PTPRD: variants seen among roughly 807,000 people sequenced by gnomAD.
The protein encoded by PTPRD is receptor-type tyrosine-protein phosphatase delta.
In PTPRD, 34 loss-of-function variants were observed where a neutral mutation model predicts 214.5. The ratio of observed to expected loss-of-function variants is 0.16; its 90% CI spans 0.12 to 0.21. The LOEUF (loss-of-function observed/expected upper bound fraction) is 0.21, where lower values mean the gene tolerates loss of function less well. Ranked by LOEUF, PTPRD falls within the 10% of genes least tolerant of loss-of-function variation. The probability of loss-of-function intolerance (pLI) is 1.00; values close to 1 mark genes in which losing one functional copy is unlikely to be tolerated. For synonymous variants in PTPRD, 1,128 were observed against 845.7 expected (o/e 1.33, Z -5.79); for missense variants, 2,545 against 2,398.7 (o/e 1.06, Z -1.27).
At chr9:8,636,560 A>G in intron 13 of PTPRD, 139 bp downstream of exon 13, 1 of 1,138,516 alleles carries the variant, frequency 8.8e-7, no homozygotes. Context: ...TTAGAGTTAC[A>G]TTTTCCATCA....
chr9:9,730,473 G>A (rs6477416), intron 7 of PTPRD, among the ~76,000 whole-genome samples: 2,834 of 152,126 alleles, frequency 0.019, 95 homozygotes, highest in African/African-American at 0.063. Flanking sequence ...AAATTGGGGC[G>A]TAGGCTGTGG....
intron 7 of PTPRD, among the ~76,000 whole-genome samples, chr9:9,719,642 C>A (rs919293012): frequency 5.9e-5 from 9 of 152,328 alleles, no homozygotes; most frequent in African/African-American, 2.2e-4. Context: ...TGCTCTGCAA[C>A]ATCCCCCTCA....
Position 10,231,413 on chromosome 9 carries a change from A to G in PTPRD, c.-545+109550T>C, listed in dbSNP as rs554162405. ...GGAAAAAAAGTGCAATTACCTAAAAACCAGTCAAGCTAAGTATAAAAGGAC... is the reference window on the plus strand; with the variant it reads ...GGAAAAAAAGTGCAATTACCTAAAAGCCAGTCAAGCTAAGTATAAAAGGAC... On this transcript the variant is annotated intron_variant, in intron 3 of 45. Coordinates refer to ENST00000381196, the MANE Select transcript of PTPRD (RefSeq NM_002839.4). 2.6e-5 allele frequency among the ~76,000 whole-genome samples: 4 copies of G among 152,080 alleles called. No individual in the cohort carries two copies. The South Asian group carries it at 8.3e-4, about 32-fold the overall frequency.
intron 14 of PTPRD, among the ~76,000 whole-genome samples, chr9:8,537,005 T>C (rs998544944): frequency 3.9e-5 from 6 of 152,020 alleles, no homozygotes; most frequent in Admixed American, 3.3e-4. Flanking sequence ...AATACAGTCC[T>C]TGAAGAAGAG....
At chr9:9,663,743 T>G (rs1347092499) in intron 7 of PTPRD, among the ~76,000 whole-genome samples, 1 of 151,576 alleles carries the variant, frequency 6.6e-6, no homozygotes, top group African/African-American at 2.4e-5. Context: ...TTCACACAGC[T>G]GTATTAAGTG....
intron 5 of PTPRD, among the ~76,000 whole-genome samples, chr9:9,864,032 C>T (rs943748120): frequency 9.2e-5 from 14 of 152,134 alleles, no homozygotes; most frequent in Admixed American, 3.3e-4. Flanking sequence ...TGGCCGGGCG[C>T]GGTGGCTCAT....
intron 14 of PTPRD, among the ~76,000 whole-genome samples, chr9:8,585,510 G>T (rs1210453575): frequency 6.6e-6 from 1 of 152,176 alleles, no homozygotes; most frequent in African/African-American, 2.4e-5. Flanking sequence ...ATAAAAATGT[G>T]TAAGAATTGG....
chr9:8,918,009 G>A (rs1161310831), intron 11 of PTPRD, among the ~76,000 whole-genome samples: 8 of 152,104 alleles, frequency 5.3e-5, no homozygotes, highest in South Asian at 2.1e-4. Context: ...GGGGGATTTC[G>A]GGCCTCAGAA....
intron 4 of PTPRD, among the ~76,000 whole-genome samples, chr9:10,024,830 T>C (rs1051393936): frequency 1.5e-5 from 2 of 136,830 alleles, no homozygotes; most frequent in African/African-American, 2.7e-5. Flanking sequence ...CCTTCCTGTG[T>C]CCATGTGTTC....
intron 11 of PTPRD, among the ~76,000 whole-genome samples, chr9:8,840,015 C>T (rs907274319): frequency 1.3e-5 from 2 of 152,280 alleles, no homozygotes; most frequent in East Asian, 1.9e-4. Flanking sequence ...AGCAAAAGGA[C>T]TATAAGCAAC....
rs2134800206 is a variant in PTPRD at position 8,375,957 on chromosome 9, C to G, written c.4640G>C (p.Gly1547Ala). The G allele has an allele frequency of 6.2e-7, 1 of 1,612,532 alleles. No homozygotes were observed. The highest frequency in any genetic ancestry group is 8.5e-7 in the Non-Finnish European group (1 of 1,179,058). Residue 1547 changes from glycine (G) to alanine (A), a missense_variant, in exon 39 of 46, where the codon GGT (glycine) becomes GCT (alanine). Gly to Ala is a moderately conservative substitution (Grantham distance 60, BLOSUM62 0). Transcript: ENST00000381196. The stretch of plus-strand genomic sequence containing the variant: ...TTACCTGCAGTGCACAACCATCGGA[C>G]CAGCATCGGGAGGGTTACAGGTTTT... ...RVKTCNPPDA[G>A]PMVVHCSAGV...
At chr9:9,083,012 A>C (rs927366552) in intron 10 of PTPRD, among the ~76,000 whole-genome samples, 1 of 152,338 alleles carries the variant, frequency 6.6e-6, no homozygotes, top group Middle Eastern at 3.4e-3. Flanking sequence ...ATTCCCATTA[A>C]GCTACCATTG....
chr9:9,180,879 G>C (rs796248439), intron 10 of PTPRD, among the ~76,000 whole-genome samples: 2 of 152,196 alleles, frequency 1.3e-5, no homozygotes, highest in African/African-American at 4.8e-5. Flanking sequence ...AAAAATTTTT[G>C]TAGACAATAT....
intron 7 of PTPRD, among the ~76,000 whole-genome samples, chr9:9,585,526 C>A (rs1200232391): frequency 1.3e-5 from 2 of 152,036 alleles, no homozygotes; most frequent in African/African-American, 4.8e-5. Context: ...AATGTCCAAA[C>A]AAAATTTATC....
intron 10 of PTPRD, among the ~76,000 whole-genome samples, chr9:9,037,079 G>C (rs1359219855): frequency 6.6e-6 from 1 of 152,108 alleles, no homozygotes; most frequent in African/African-American, 2.4e-5. Flanking sequence ...GTCCATTTAA[G>C]AAACCCGTTA....
intron 9 of PTPRD, among the ~76,000 whole-genome samples, chr9:9,185,728 G>C (rs2099930981): frequency 6.6e-6 from 1 of 151,946 alleles, no homozygotes; most frequent in South Asian, 2.1e-4. Flanking sequence ...AGATTTTATG[G>C]TTGCTTTAAT....
intron 11 of PTPRD, among the ~76,000 whole-genome samples, chr9:8,793,869 C>A (rs1599974102): frequency 6.6e-6 from 1 of 152,146 alleles, no homozygotes; most frequent in Non-Finnish European, 1.5e-5. Context: ...CCATAACCAC[C>A]TGTCTAAAAT....
At chr9:8,619,131 T>C (rs2095721887) in intron 14 of PTPRD, among the ~76,000 whole-genome samples, 1 of 151,980 alleles carries the variant, frequency 6.6e-6, no homozygotes, top group African/African-American at 2.4e-5. Context: ...AACTATTATG[T>C]ATACATTGTG....
In PTPRD at chr9:9,467,875, A is replaced by G. The variant is rs373254205; in HGVS notation, c.-236-70393T>C. 9.3e-4 allele frequency among the ~76,000 whole-genome samples: 141 copies of G among 152,286 alleles called. 1 individual carries two copies. The highest frequency in any genetic ancestry group is 3.3e-3 in the African/African-American group (136 of 41,570). ...ATCTAATTGGTAACTATTCATTTTA[A>G]AATACATTGAGGTATTTGGTATGTC... On this transcript the variant is annotated intron_variant, in intron 8 of 45. Transcript: ENST00000381196.
Sources: allele counts gnomAD v4.1 joint callset (sites outside exome capture counted in the v4.1 genomes callset), GRCh38; gene constraint gnomAD v4.1.1; transcripts MANE v1.5; gene names NCBI Gene and HGNC (gene_info 2026-07-23, HGNC 2026-07-21).